Variants in ATP2B4 observed in about 807,000 individuals in gnomAD.
ATP2B4 encodes ATPase plasma membrane Ca2+ transporting 4.
A neutral mutation model predicts 110.3 loss-of-function variants in ATP2B4; 39 were observed. The ratio of observed to expected loss-of-function variants is 0.35; its 90% CI spans 0.27 to 0.46. The LOEUF (loss-of-function observed/expected upper bound fraction) is 0.46, where lower values mean the gene tolerates loss of function less well. Among genes scored for constraint, ATP2B4 ranks in the 20% least tolerant of loss-of-function variants. The pLI, the probability that ATP2B4 is intolerant of heterozygous loss-of-function variation, is 1.00. For synonymous variants in ATP2B4, 538 were observed against 571.7 expected, an observed-to-expected ratio of 0.94 and a Z score of 0.84; for missense variants, 1,135 against 1,530.9, an observed-to-expected ratio of 0.74 and a Z score of 4.32.
intron 6 of ATP2B4, among the ~76,000 whole-genome samples, chr1:203,701,231 C>A (rs1177189640): frequency 6.6e-6 from 1 of 152,138 alleles, no homozygotes; most frequent in Non-Finnish European, 1.5e-5. Context: ...GTGCTGGTAG[C>A]CCCAAATGCC....
chr1:203,706,935 T>C, intron 8 of ATP2B4, 74 bp from the exon 9 acceptor site: 1 of 1,302,264 alleles, frequency 7.7e-7, no homozygotes, highest in South Asian at 1.3e-5. Flanking sequence ...CTACAACTGA[T>C]GCCAATCTAT....
intron 20 of ATP2B4, 98 bp from the exon 21 acceptor site, chr1:203,739,448 T>C: frequency 2.4e-6 from 3 of 1,233,020 alleles, no homozygotes; most frequent in East Asian, 2.4e-5. Flanking sequence ...TTTTATAGTC[T>C]GGGTTTTGTT....
At chr1:203,701,019 G>T in intron 6 of ATP2B4, 96 bp downstream of exon 6, 2 of 1,437,966 alleles carry the variant, frequency 1.4e-6, no homozygotes, top group Non-Finnish European at 1.9e-6. Flanking sequence ...ATGGTTGGAA[G>T]AATCTGCTGC....
In ATP2B4 at chr1:203,739,563, G is replaced by A. The variant is rs773269319; in HGVS notation, c.3327G>A (p.Ala1109=). The A allele has an allele frequency of 3.0e-5, 48 of 1,613,534 alleles. 1 individual carries two copies. Among genetic ancestry groups the A allele is most frequent in the East Asian group, 2.7e-4 (12 of 44,870 alleles). ...TGGTATAGATCAAAGTGGTCAAAGC[G>A]TTCCATAGTTCCCTCCACGAAAGCA... is the stretch of plus-strand genomic sequence containing the variant. The part of the protein sequence containing the change: ...RIQTQIKVVK[A]FHSSLHESIQ... The change falls in exon 21 of 21, where the codon GCG becomes GCA. Residue 1109 remains alanine, a synonymous_variant. Coordinates refer to ENST00000357681, the MANE Select transcript of ATP2B4 (RefSeq NM_001684.5).
At chr1:203,728,922 C>A (rs1666607082) in intron 20 of ATP2B4, among the ~76,000 whole-genome samples, 1 of 150,244 alleles carries the variant, frequency 6.7e-6, no homozygotes, top group African/African-American at 2.5e-5. Flanking sequence ...GAGGCCAAGG[C>A]AGGTGGATCC....
chr1:203,636,449 A>G (rs563666364), intron 1 of ATP2B4, among the ~76,000 whole-genome samples: 72 of 152,206 alleles, frequency 4.7e-4, no homozygotes, highest in African/African-American at 1.7e-3. Flanking sequence ...TACATGACTC[A>G]GGGCTCTTTT....
intron 2 of ATP2B4, among the ~76,000 whole-genome samples, chr1:203,690,493 C>A (rs979768989): frequency 6.6e-6 from 1 of 152,002 alleles, no homozygotes; most frequent in African/African-American, 2.4e-5. Flanking sequence ...AGCACGGTGG[C>A]GTTAGGGGGA....
intron 1 of ATP2B4, among the ~76,000 whole-genome samples, chr1:203,647,473 CAA>C (rs1321104774): frequency 4.0e-5 from 6 of 151,500 alleles, no homozygotes; most frequent in Non-Finnish European, 8.8e-5. Flanking sequence ...ACAAAAAAAA[CAA>C]ACGGCTGGAC....
Position 203,727,523 on chromosome 1 carries a change from C to G in ATP2B4, c.3261C>G (p.Arg1087=). 1 of 1,614,172 alleles carries G rather than the reference C, an allele frequency of 6.2e-7. No homozygotes were observed. The highest frequency in any genetic ancestry group is 1.7e-4 in the Middle Eastern group (1 of 6,044). ...DEIDHAEMEL[R]RGQILWFRGL... ...TTGACCATGCTGAGATGGAGCTGCGCCGAGGCCAGATCCTCTGGTTCCGGG... is the reference window on the plus strand; with the variant it reads ...TTGACCATGCTGAGATGGAGCTGCGGCGAGGCCAGATCCTCTGGTTCCGGG... Residue 1087 remains arginine (R), a synonymous_variant, in exon 20 of 21, where the codon CGC becomes CGG. Transcript: ENST00000357681.
chr1:203,689,906 A>G (rs1409014349), intron 2 of ATP2B4, among the ~76,000 whole-genome samples: 1 of 152,220 alleles, frequency 6.6e-6, no homozygotes, highest in Non-Finnish European at 1.5e-5. Flanking sequence ...GCACACCTGT[A>G]TCATTTAGGG....
At chr1:203,689,945 C>T (rs972591223) in intron 2 of ATP2B4, among the ~76,000 whole-genome samples, 1 of 152,296 alleles carries the variant, frequency 6.6e-6, no homozygotes, top group African/African-American at 2.4e-5. Context: ...AGCATGGCCA[C>T]GCTCTATGAT....
intron 1 of ATP2B4, among the ~76,000 whole-genome samples, chr1:203,678,553 G>A (rs13374192): frequency 0.32 from 49,280 of 151,748 alleles, 8,187 homozygotes; most frequent in Middle Eastern, 0.46. Context: ...ACAGGTGTGC[G>A]CCATCATGCC....
chr1:203,733,209 C>G, intron 20 of ATP2B4: 1 of 1,607,960 alleles, frequency 6.2e-7, no homozygotes, highest in Non-Finnish European at 8.5e-7. Flanking sequence ...GTCTCACTCT[C>G]TGATTCTTTG....
chr1:203,635,244 G>A (rs1663404552), intron 1 of ATP2B4, among the ~76,000 whole-genome samples: 1 of 152,048 alleles, frequency 6.6e-6, no homozygotes, highest in Non-Finnish European at 1.5e-5. Flanking sequence ...AAAGTGCTGG[G>A]ATTGCAGGTT....
chr1:203,710,908 G>A lies in ATP2B4; in HGVS notation c.1831G>A (p.Ala611Thr). ...TCGAATCCTGGACCGGAAAGGGGAA[G>A]CAGTGCCATTCAAGAATAAAGACAG... ...CNRILDRKGEAVPFKNKDRDD... is the reference protein window; with the variant it reads ...CNRILDRKGETVPFKNKDRDD... Residue 611 changes from alanine (A) to threonine (T), a missense_variant, in exon 12 of 21, where the codon GCA becomes ACA. Physicochemically the swap from Ala to Thr is moderately conservative, Grantham distance 58. Around this residue, in one of 9 missense-constraint regions of ATP2B4, gnomAD observed 368 missense variants for 455.9 expected, o/e 0.81. Transcript: ENST00000357681. The A allele has an allele frequency of 6.2e-7, 1 of 1,614,036 alleles. No homozygotes were observed. Among genetic ancestry groups the A allele is most frequent in the Non-Finnish European group, 8.5e-7 (1 of 1,179,956 alleles).
chr1:203,727,815 G>T lies in ATP2B4; in HGVS notation c.3309+244G>T, dbSNP rs11240291. 9.2e-3 allele frequency: 4,546 copies of T among 492,502 alleles called. 172 individuals carry two copies. Among genetic ancestry groups the T allele is most frequent in the African/African-American group, 0.078 (4,024 of 51,792 alleles). 30.5% of individuals were successfully genotyped at this position (492,502 alleles called of 1,614,324 possible). Reference sequence around the variant, plus strand: ...CTATTAGCATAGTCCTTTAGCTCTGGGTTGACCCTAAAGCCCAGCCTGCCA... The same window carrying T: ...CTATTAGCATAGTCCTTTAGCTCTGTGTTGACCCTAAAGCCCAGCCTGCCA... On this transcript the variant is annotated intron_variant, in intron 20 of 20. Transcript: ENST00000357681.
intron 6 of ATP2B4, among the ~76,000 whole-genome samples, chr1:203,701,207 A>G (rs1420020223): frequency 1.3e-5 from 2 of 151,766 alleles, no homozygotes; most frequent in Non-Finnish European, 2.9e-5. Context: ...GCCTGCCCTA[A>G]ATAAACTGGC....
intron 11 of ATP2B4, 151 bp from the exon 12 acceptor site, chr1:203,710,726 C>A: frequency 1.5e-6 from 1 of 663,458 alleles, no homozygotes; most frequent in Non-Finnish European, 2.7e-6. Flanking sequence ...GAAAGAGGGA[C>A]TCAGCTGGGT....
In ATP2B4 at chr1:203,645,267, G is replaced by C. The variant is rs1469129560; in HGVS notation, c.-465+18048G>C. Among the ~76,000 whole-genome samples the C allele has an allele frequency of 2.6e-5, 4 of 152,200 alleles. No individual in the cohort carries two copies. The East Asian group carries it at 7.7e-4, about 29-fold the overall frequency. Reference sequence around the variant, plus strand: ...TAACTTCCGCCCCAGTTTAACCCAGGGCTGTTTCTGACTCAGCCCCTGTCA... The same window carrying C: ...TAACTTCCGCCCCAGTTTAACCCAGCGCTGTTTCTGACTCAGCCCCTGTCA... On this transcript the variant is annotated intron_variant, in intron 1 of 20. Coordinates refer to ENST00000357681, the MANE Select transcript of ATP2B4 (RefSeq NM_001684.5).
Sources: gnomAD v4.1 joint callset for allele counts (sites outside exome capture counted in the v4.1 genomes callset) on GRCh38, gnomAD v4.1.1 for gene constraint, gnomAD v4.1.1 regional missense constraint, MANE v1.5 for transcripts, NCBI Gene and HGNC (gene_info 2026-07-23, HGNC 2026-07-21) for gene names.